Variants in ECHDC1 observed in about 807,000 individuals in gnomAD.
The protein encoded by ECHDC1 is ethylmalonyl-CoA decarboxylase.
Under a neutral mutation model 29.7 loss-of-function variants are expected in ECHDC1, and 29 were observed. That is an observed-to-expected ratio of 0.98 (90% CI 0.73 to 1.33). ECHDC1 has a LOEUF of 1.33. Among genes scored for constraint, ECHDC1 ranks in the 40% most tolerant of loss-of-function variants. ECHDC1 has a pLI of 0.00. For missense variants in ECHDC1, 328 were observed against 350.0 expected, an observed-to-expected ratio of 0.94 and a Z score of 0.50; for synonymous variants, 126 against 123.1, an observed-to-expected ratio of 1.02 and a Z score of -0.15.
intron 5 of ECHDC1, among the ~76,000 whole-genome samples, chr6:127,299,410 G>T (rs1780878067): frequency 1.3e-5 from 2 of 149,752 alleles, no homozygotes; most frequent in East Asian, 3.9e-4. Flanking sequence ...ACTCTATGTA[G>T]GCCTAGGCTA....
At chr6:127,292,425 G>A (rs1396453609) in intron 5 of ECHDC1, among the ~76,000 whole-genome samples, 1 of 151,800 alleles carries the variant, frequency 6.6e-6, no homozygotes, top group Non-Finnish European at 1.5e-5. Context: ...CAAATCTTGA[G>A]GTTATCTTTG....
chr6:127,330,864 G>A lies in ECHDC1; in HGVS notation c.165C>T (p.Asp55=). The A allele has an allele frequency of 6.2e-7, 1 of 1,614,110 alleles. No individual in the cohort carries two copies. Among genetic ancestry groups the A allele is most frequent in the Non-Finnish European group, 8.5e-7 (1 of 1,180,004 alleles). ...TCAGAGTAAGAATGCCAATGCCATTGTCTTCCTTCTGAAGGTCAATGGATC... is the reference window on the plus strand; with the variant it reads ...TCAGAGTAAGAATGCCAATGCCATTATCTTCCTTCTGAAGGTCAATGGATC... ...PGGSIDLQKE[D]NGIGILTLNN... Residue 55 remains aspartate, a synonymous_variant, in exon 2 of 6, where the codon GAC becomes GAT. Coordinates refer to ENST00000454859, the MANE Select transcript of ECHDC1 (RefSeq NM_001002030.2).
intron 1 of ECHDC1, 31 bp from the exon 2 acceptor site, chr6:127,331,061 T>C (rs1562332014): frequency 2.6e-6 from 4 of 1,539,152 alleles, no homozygotes; most frequent in Admixed American, 1.7e-5. Context: ...TGCGGTAGTA[T>C]AGATGAATAG....
intron 3 of ECHDC1, among the ~76,000 whole-genome samples, chr6:127,325,347 G>A (rs1486855194): frequency 4.6e-5 from 7 of 152,126 alleles, no homozygotes; most frequent in South Asian, 2.1e-4. Context: ...GTGGTGTCCC[G>A]GATTTGATCT....
rs549730069 is a variant in ECHDC1 at position 127,289,226 on chromosome 6, C to G, written c.*643G>C. ...ATTCCAGGGCACACAAATGAATGTCCAATTGTAGAATCAGTTGACTTTCCA... is the reference window on the plus strand; with the variant it reads ...ATTCCAGGGCACACAAATGAATGTCGAATTGTAGAATCAGTTGACTTTCCA... On this transcript the variant is annotated 3_prime_UTR_variant, in exon 6 of 6. Transcript: ENST00000454859. 5.1e-4 allele frequency: 78 copies of G among 152,040 alleles called. 1 individual carries two copies. The highest frequency in any genetic ancestry group is 1.7e-3 in the African/African-American group (69 of 41,496). 9.4% of individuals were successfully genotyped at this position (152,040 alleles called of 1,614,324 possible).
chr6:127,297,842 AC>A (rs1780738225), intron 5 of ECHDC1, among the ~76,000 whole-genome samples: 1 of 152,122 alleles, frequency 6.6e-6, no homozygotes, highest in Non-Finnish European at 1.5e-5. Context: ...AAAAACAGCA[AC>A]CCACTCAGGC....
chr6:127,290,480 A>AT (rs1267278644), intron 5 of ECHDC1, among the ~76,000 whole-genome samples: 2 of 152,030 alleles, frequency 1.3e-5, no homozygotes, highest in Non-Finnish European at 2.9e-5. Context: ...AAACAGTATC[A>AT]TTTTTTGTTG....
intron 2 of ECHDC1, among the ~76,000 whole-genome samples, chr6:127,330,114 G>T (rs1214106029): frequency 6.6e-6 from 1 of 152,164 alleles, no homozygotes; most frequent in African/African-American, 2.4e-5. Flanking sequence ...AATAGGAGTG[G>T]TGAGTATTCA....
chr6:127,303,659 A>G (rs1781228380), intron 5 of ECHDC1, among the ~76,000 whole-genome samples: 1 of 152,238 alleles, frequency 6.6e-6, no homozygotes, highest in South Asian at 2.1e-4. Context: ...GGGGTAACAC[A>G]GAAGCTGCAG....
intron 5 of ECHDC1, among the ~76,000 whole-genome samples, chr6:127,297,691 C>G (rs946654350): frequency 6.6e-6 from 1 of 152,172 alleles, no homozygotes; most frequent in African/African-American, 2.4e-5. Flanking sequence ...TTACCTGAAA[C>G]AGACCTGCAG....
chr6:127,326,814 A>T, intron 3 of ECHDC1, 188 bp downstream of exon 3: 1 of 570,162 alleles, frequency 1.8e-6, no homozygotes, highest in Non-Finnish European at 3.0e-6. Flanking sequence ...TACTAGTAAA[A>T]CCTCAGAATC....
At chr6:127,302,652 G>A (rs1191038058) in intron 5 of ECHDC1, among the ~76,000 whole-genome samples, 1 of 151,986 alleles carries the variant, frequency 6.6e-6, no homozygotes, top group African/African-American at 2.4e-5. Flanking sequence ...CACCCACCTC[G>A]ATCTCCCAAA....
rs1231349921 is a variant in ECHDC1, at chr6:127,331,702, TCTTAA to T, written c.-2-677_-2-673del. 1.2e-4 allele frequency: 69 copies of T among 574,480 alleles called. No homozygotes were observed. In the Middle Eastern group the frequency reaches 2.8e-3, roughly 23 times the overall value. The allele number at this position is 574,480 out of a possible 1,614,324, so 35.6% of individuals were successfully genotyped here. A position where few individuals can be genotyped will look rare whatever the true frequency, so the allele number is the denominator to read the frequency against. ...ATCACATGCTTCTTCATTCTCCAAC[TCTTAA>T]CTTTTTTAAAATCTAAGAATAAATA... On this transcript the variant is annotated intron_variant, in intron 1 of 5. Coordinates refer to ENST00000454859, the MANE Select transcript of ECHDC1 (RefSeq NM_001002030.2).
At chr6:127,337,692 T>C (rs1396586689) in intron 1 of ECHDC1, among the ~76,000 whole-genome samples, 3 of 152,194 alleles carry the variant, frequency 2.0e-5, no homozygotes, top group Non-Finnish European at 4.4e-5. Context: ...TAAAATATTT[T>C]ACAGAGTTTG....
Position 127,316,237 on chromosome 6 carries a change from C to T in ECHDC1, c.416+213G>A, listed in dbSNP as rs111481567. On this transcript the variant is annotated intron_variant, in intron 4 of 5. Coordinates refer to ENST00000454859, the MANE Select transcript of ECHDC1 (RefSeq NM_001002030.2). ...GGGATATGTCTTAAATTTTTCTTAT[C>T]TTTCATTTCTCTTATTTTTAAAATA... 756 of 491,608 alleles carry T rather than the reference C, an allele frequency of 1.5e-3. 7 individuals carry two copies. The highest frequency in any genetic ancestry group is 0.014 in the African/African-American group (692 of 50,954). 30.5% of individuals were successfully genotyped at this position (491,608 alleles called of 1,614,324 possible). A position where few individuals can be genotyped will look rare whatever the true frequency, so the allele number is the denominator to read the frequency against.
In ECHDC1 at chr6:127,290,276, A is replaced by G; in HGVS notation, c.499T>C (p.Leu167=). Residue 167 remains leucine, a splice_region_variant and synonymous_variant, in exon 6 of 6, where the codon TTA becomes CTA. Transcript: ENST00000454859. ...AEFTTACDFR[L]MTPESKIRFV... ...CTGATCTTACTCTCTGGAGTCATTA[A>G]CCTGTAAAAGAAAAAAGAAAAGCTT... 6.2e-7 allele frequency: 1 copy of G among 1,607,670 alleles called. No individual in the cohort carries two copies. The highest frequency in any genetic ancestry group is 8.5e-7 in the Non-Finnish European group (1 of 1,177,202).
At chr6:127,303,425 T>C (rs543620060) in intron 5 of ECHDC1, among the ~76,000 whole-genome samples, 1 of 152,138 alleles carries the variant, frequency 6.6e-6, no homozygotes, top group South Asian at 2.1e-4. Flanking sequence ...TTATTGCCGA[T>C]GTGAAGAAAG....
intron 4 of ECHDC1, chr6:127,315,892 GC>G (rs1483360089): frequency 2.2e-6 from 1 of 455,812 alleles, no homozygotes; most frequent in African/African-American, 2.0e-5. Flanking sequence ...AAAGTAGAAA[GC>G]TAATCAACCA....
chr6:127,312,864 G>A (rs1321085680), intron 5 of ECHDC1, among the ~76,000 whole-genome samples: 1 of 152,084 alleles, frequency 6.6e-6, no homozygotes, highest in Non-Finnish European at 1.5e-5. Context: ...TTGACACATG[G>A]TACAACATGG....
Sources: gnomAD v4.1 joint callset for allele counts (sites outside exome capture counted in the v4.1 genomes callset) on GRCh38, gnomAD v4.1.1 for gene constraint, MANE v1.5 for transcripts, NCBI Gene and HGNC (gene_info 2026-07-23, HGNC 2026-07-21) for gene names.